Variants in MEGF9 observed in about 807,000 individuals in gnomAD.
MEGF9 encodes multiple epidermal growth factor-like domains protein 9.
MEGF9 carries 6 observed loss-of-function variants against 46.8 expected under a neutral mutation model. That is an observed-to-expected ratio of 0.13 (90% CI 0.07 to 0.25). The LOEUF (loss-of-function observed/expected upper bound fraction) is 0.25. MEGF9 is among the 10% of genes least tolerant of loss of function. The pLI, the probability that MEGF9 is intolerant of heterozygous loss-of-function variation, is 1.00. For missense variants in MEGF9, 683 were observed against 792.4 expected (o/e 0.86, Z 1.66); for synonymous variants, 302 against 330.7 (o/e 0.91, Z 0.94).
At chr9:120,667,492 T>C (rs961748048) in intron 1 of MEGF9, among the ~76,000 whole-genome samples, 7 of 152,082 alleles carry the variant, frequency 4.6e-5, no homozygotes, top group Non-Finnish European at 8.8e-5. Flanking sequence ...CTTTTTCAGA[T>C]TGATCATTAA....
intron 1 of MEGF9, among the ~76,000 whole-genome samples, chr9:120,691,797 A>G (rs1462726440): frequency 6.6e-6 from 1 of 152,188 alleles, no homozygotes; most frequent in African/African-American, 2.4e-5. Flanking sequence ...CAATGACTGG[A>G]TACTTCAAGG....
At chr9:120,677,205 C>T (rs760207663) in intron 1 of MEGF9, among the ~76,000 whole-genome samples, 1 of 151,960 alleles carries the variant, frequency 6.6e-6, no homozygotes, top group Non-Finnish European at 1.5e-5. Flanking sequence ...CACAGCTCAC[C>T]GCAGCCTCAA....
intron 1 of MEGF9, among the ~76,000 whole-genome samples, chr9:120,708,864 A>C (rs933682426): frequency 6.6e-6 from 1 of 152,220 alleles, no homozygotes; most frequent in Non-Finnish European, 1.5e-5. Context: ...AAGAATTTCC[A>C]AGTCCAGAAT....
At chr9:120,672,727 T>C (rs749656334) in intron 1 of MEGF9, among the ~76,000 whole-genome samples, 7 of 152,082 alleles carry the variant, frequency 4.6e-5, no homozygotes, top group Non-Finnish European at 1.0e-4. Flanking sequence ...TAAATGACAT[T>C]AATAAGGTTG....
intron 3 of MEGF9, among the ~76,000 whole-genome samples, chr9:120,619,190 A>G (rs1453088250): frequency 1.3e-5 from 2 of 151,778 alleles, no homozygotes; most frequent in Non-Finnish European, 2.9e-5. Flanking sequence ...TACTAAAAAT[A>G]CAAAAAATTA....
intron 1 of MEGF9, among the ~76,000 whole-genome samples, chr9:120,709,907 G>C (rs965929998): frequency 1.3e-5 from 2 of 151,750 alleles, no homozygotes; most frequent in African/African-American, 4.8e-5. Flanking sequence ...AAATTAGCCA[G>C]GCATGGTGGT....
chr9:120,668,758 C>T (rs112370702), intron 1 of MEGF9, among the ~76,000 whole-genome samples: 47 of 152,286 alleles, frequency 3.1e-4, no homozygotes, highest in African/African-American at 1.1e-3. Context: ...CACAAATGGC[C>T]TCCTTTAGTG....
At chr9:120,707,244 C>G (rs565259203) in intron 1 of MEGF9, among the ~76,000 whole-genome samples, 1 of 152,058 alleles carries the variant, frequency 6.6e-6, no homozygotes, top group Non-Finnish European at 1.5e-5. Context: ...GTCCACAATC[C>G]CTCAAATCTG....
chr9:120,637,491 A>G (rs183623213), intron 2 of MEGF9, among the ~76,000 whole-genome samples: 1 of 152,022 alleles, frequency 6.6e-6, no homozygotes. Flanking sequence ...CTGCTTTAAA[A>G]AAAAAAAAAA....
At chr9:120,704,237 G>A (rs1041751167) in intron 1 of MEGF9, among the ~76,000 whole-genome samples, 1 of 152,002 alleles carries the variant, frequency 6.6e-6, no homozygotes, top group African/African-American at 2.4e-5. Flanking sequence ...GGGAGGCTGA[G>A]GCAGGAGAAC....
Position 120,700,921 on chromosome 9 carries a change from A to AAAT in MEGF9, c.601+12834_601+12836dup, listed in dbSNP as rs575279734. On this transcript the variant is annotated intron_variant, in intron 1 of 5. Coordinates refer to ENST00000373930, the MANE Select transcript of MEGF9 (RefSeq NM_001080497.3). Reference sequence around the variant, plus strand: ...CGTGGTGAAACCCTGTCTCTACCAAAAATAATAATAATAATAATAATTAAT... The same window carrying AAAT: ...CGTGGTGAAACCCTGTCTCTACCAAAAATAATAATAATAATAATAATAATTAAT... Among the ~76,000 whole-genome samples, 609 of 150,902 alleles carry AAAT rather than the reference A, an allele frequency of 4.0e-3. 7 individuals are homozygous for AAAT. The highest frequency in any genetic ancestry group is 0.014 in the African/African-American group (559 of 41,190).
At position 120,714,364 on chromosome 9, in the gene MEGF9, C is replaced by A; in HGVS notation, c.-6G>T. 2 of 1,313,572 alleles carry A rather than the reference C, an allele frequency of 1.5e-6. No homozygotes were observed. The highest frequency in any genetic ancestry group is 3.4e-5 in the East Asian group (1 of 29,164). The allele number at this position is 1,313,572 out of a possible 1,614,324, so 81.4% of individuals were successfully genotyped here. ...CGCTCGGCTCCGCCATTCATTCATT[C>A]AGCCAGTCGGTTGGTCAGTCATCTT... On this transcript the variant is annotated 5_prime_UTR_variant, in exon 1 of 6. It removes the in-frame stop codon of an upstream open reading frame in the 5' UTR. Transcript: ENST00000373930.
At chr9:120,655,829 T>A (rs1564421659) in intron 2 of MEGF9, among the ~76,000 whole-genome samples, 1 of 152,228 alleles carries the variant, frequency 6.6e-6, no homozygotes, top group East Asian at 1.9e-4. Context: ...ATGCTACATA[T>A]CCTCTTTGTT....
At chr9:120,652,966 G>A (rs1251114840) in intron 2 of MEGF9, among the ~76,000 whole-genome samples, 1 of 152,142 alleles carries the variant, frequency 6.6e-6, no homozygotes. Flanking sequence ...CTTAATAAAG[G>A]TCACATAGTT....
At chr9:120,674,988 C>T (rs1349069603) in intron 1 of MEGF9, among the ~76,000 whole-genome samples, 1 of 151,330 alleles carries the variant, frequency 6.6e-6, no homozygotes, top group African/African-American at 2.4e-5. Context: ...ACGCCATTTT[C>T]CTGCCTCAGC....
At chr9:120,694,324 A>G (rs1455669723) in intron 1 of MEGF9, among the ~76,000 whole-genome samples, 1 of 152,238 alleles carries the variant, frequency 6.6e-6, no homozygotes, top group Non-Finnish European at 1.5e-5. Flanking sequence ...CTTTATTTGT[A>G]AAGTTGGGTA....
At chr9:120,624,872 C>G (rs1257833938) in intron 2 of MEGF9, among the ~76,000 whole-genome samples, 1 of 104,128 alleles carries the variant, frequency 9.6e-6, no homozygotes, top group Non-Finnish European at 2.0e-5. Flanking sequence ...GACTCCGTCT[C>G]AAAAAAAAAA....
chr9:120,667,086 A>T (rs1419081637), intron 1 of MEGF9, among the ~76,000 whole-genome samples: 1 of 152,200 alleles, frequency 6.6e-6, no homozygotes, highest in Non-Finnish European at 1.5e-5. Context: ...TATGCAAAAA[A>T]ATTTTTTTAA....
intron 2 of MEGF9, among the ~76,000 whole-genome samples, chr9:120,643,861 A>C (rs976765452): frequency 6.6e-6 from 1 of 151,896 alleles, no homozygotes; most frequent in African/African-American, 2.4e-5. Context: ...AGTAGCTGGG[A>C]CTACAAGCAT....
Sources: gnomAD v4.1 joint callset for allele counts (sites outside exome capture counted in the v4.1 genomes callset) on GRCh38, gnomAD v4.1.1 for gene constraint, MANE v1.5 for transcripts, NCBI Gene and HGNC (gene_info 2026-07-23, HGNC 2026-07-21) for gene names.